The following ADCY3 variants were observed in gnomAD, a reference collection of about 807,000 sequenced individuals.
ADCY3 encodes adenylate cyclase 3.
A neutral mutation model predicts 119.4 loss-of-function variants in ADCY3; 70 were observed. The ratio of observed to expected loss-of-function variants is 0.59; its 90% confidence interval spans 0.48 to 0.72. The LOEUF is 0.72. Ranked by LOEUF, ADCY3 falls within the 30% of genes least tolerant of loss-of-function variation. The probability of loss-of-function intolerance (pLI) is 0.00; values close to 1 mark genes in which losing one functional copy is unlikely to be tolerated. For missense variants in ADCY3, 1,238 were observed against 1,541.6 expected (o/e 0.80, Z 3.30); for synonymous variants, 672 against 621.4 (o/e 1.08, Z -1.21).
At chr2:24,891,226 C>T (rs1301356206) in intron 2 of ADCY3, among the ~76,000 whole-genome samples, 1 of 152,122 alleles carries the variant, frequency 6.6e-6, no homozygotes, top group Admixed American at 6.5e-5. Context: ...TCACTTTTTG[C>T]ATTTTCAGCT....
intron 13 of ADCY3, among the ~76,000 whole-genome samples, chr2:24,828,715 C>T (rs1224103523): frequency 6.6e-6 from 1 of 152,238 alleles, no homozygotes; most frequent in Non-Finnish European, 1.5e-5. Flanking sequence ...CTTTTTGTAA[C>T]TTTCACCCAC....
chr2:24,894,580 T>C lies in ADCY3; in HGVS notation c.676-21861A>G, dbSNP rs1678047489. The stretch of plus-strand genomic sequence containing the variant: ...CTATTTTTGTCATACATTTTGCTTC[T>C]ATGTATGTTCTAAACTCCAAAGTAC... On this transcript the variant is annotated intron_variant, in intron 2 of 21. Coordinates refer to ENST00000679454, the MANE Select transcript of ADCY3 (RefSeq NM_004036.5). Among the ~76,000 whole-genome samples, 12 of 152,346 alleles carry C rather than the reference T, an allele frequency of 7.9e-5. No homozygotes were observed. The South Asian group carries it at 2.5e-3, about 32-fold the overall frequency.
At chr2:24,823,879 G>T (rs1252828700) in intron 17 of ADCY3, among the ~76,000 whole-genome samples, 1 of 152,076 alleles carries the variant, frequency 6.6e-6, no homozygotes, top group Non-Finnish European at 1.5e-5. Context: ...TTTTAGTAGA[G>T]ACAGGGTTTC....
intron 7 of ADCY3, 97 bp downstream of exon 7, chr2:24,839,776 G>A: frequency 6.5e-7 from 1 of 1,541,434 alleles, no homozygotes; most frequent in South Asian, 1.1e-5. Flanking sequence ...GGCCTTCTCT[G>A]AGGCCCCCTG....
At position 24,842,958 on chromosome 2, in the gene ADCY3, G is replaced by A. The variant is rs893309846; in HGVS notation, c.826-574C>T. On this transcript the variant is annotated intron_variant, in intron 3 of 21. Transcript: ENST00000679454. The surrounding 1 kb of genome is among the most constrained non-coding windows in gnomAD (Gnocchi z 4.9). Reference sequence around the variant, plus strand: ...AAGTTCTGTGCCCAGAAAGGAGAGAGCAGAGGACGGCGCAAGAGAGAAGCA... The same window carrying A: ...AAGTTCTGTGCCCAGAAAGGAGAGAACAGAGGACGGCGCAAGAGAGAAGCA... Among the ~76,000 whole-genome samples the A allele has an allele frequency of 1.3e-5, 2 of 152,252 alleles. No individual in the cohort carries two copies. The highest frequency in any genetic ancestry group is 4.8e-5 in the African/African-American group (2 of 41,472).
In ADCY3 at chr2:24,827,955, A is replaced by G. The variant is rs1391787434; in HGVS notation, c.2379T>C (p.Tyr793=). ...VAGAVATINL[Y]AWRPVFDEYD... ...ATTCATCAAAGACGGGACGCCAGGCATAGAGGTTGATGGTGGCCACGGCGC... is the reference window on the plus strand; with the variant it reads ...ATTCATCAAAGACGGGACGCCAGGCGTAGAGGTTGATGGTGGCCACGGCGC... The change falls in exon 14 of 22, where the codon TAT becomes TAC. Residue 793 remains tyrosine (Y), a synonymous_variant. Coordinates refer to ENST00000679454, the MANE Select transcript of ADCY3 (RefSeq NM_004036.5). 6.2e-6 allele frequency: 10 copies of G among 1,614,110 alleles called. No individual in the cohort carries two copies. In the Admixed American group the frequency reaches 1.5e-4, roughly 24 times the overall value.
At chr2:24,836,493 C>T (rs937310409) in intron 9 of ADCY3, among the ~76,000 whole-genome samples, 3 of 152,230 alleles carry the variant, frequency 2.0e-5, no homozygotes, top group African/African-American at 7.2e-5. Flanking sequence ...GCTAATTCCT[C>T]GCCTTTGGGG....
intron 16 of ADCY3, 141 bp from the exon 17 acceptor site, chr2:24,824,677 T>C (rs771507704): frequency 1.2e-6 from 1 of 843,256 alleles, no homozygotes; most frequent in Non-Finnish European, 1.8e-6. Flanking sequence ...TCACCTGAGG[T>C]CAGGAGTTCG....
rs1670809887 is a variant in ADCY3 at position 24,840,019 on chromosome 2, C to T, written c.1209G>A (p.Glu403=). The T allele has an allele frequency of 1.2e-6, 2 of 1,610,996 alleles. No individual in the cohort carries two copies. Among genetic ancestry groups the T allele is most frequent in the Non-Finnish European group, 1.7e-6 (2 of 1,177,734 alleles). ...GCATGTCCACCCCAGTCTTGGTCTT[C>T]TCCCGCACATACCTGCCAGGTACAC... is the stretch of plus-strand genomic sequence containing the variant. The part of the protein sequence containing the change: ...AMVEAISYVR[E]KTKTGVDMRV... Residue 403 remains glutamate (E), a synonymous_variant, in exon 7 of 22, where the codon GAG becomes GAA. Coordinates refer to ENST00000679454, the MANE Select transcript of ADCY3 (RefSeq NM_004036.5).
intron 8 of ADCY3, among the ~76,000 whole-genome samples, chr2:24,837,381 G>C (rs1382783300): frequency 6.6e-6 from 1 of 152,190 alleles, no homozygotes; most frequent in Non-Finnish European, 1.5e-5. Context: ...TGTATGTTGA[G>C]TGCAGGGAAG....
chr2:24,881,535 T>C (rs980853175), intron 2 of ADCY3, among the ~76,000 whole-genome samples: 2 of 152,198 alleles, frequency 1.3e-5, no homozygotes, highest in East Asian at 3.9e-4. Context: ...CTTCCCTCAG[T>C]GCAGCTCCTG....
At chr2:24,866,564 C>CAAA (rs71397449) in intron 3 of ADCY3, among the ~76,000 whole-genome samples, 499 of 46,126 alleles carry the variant, frequency 0.011, 13 homozygotes, top group Middle Eastern at 0.016. Flanking sequence ...GACCCTGTCT[C>CAAA]AAAAAAAAAA....
chr2:24,844,860 G>A lies in ADCY3; in HGVS notation c.826-2476C>T, dbSNP rs1451229590. Among the ~76,000 whole-genome samples the A allele has an allele frequency of 2.6e-5, 4 of 152,320 alleles. No individual in the cohort carries two copies. In the East Asian group the frequency reaches 7.7e-4, roughly 29 times the overall value. ...TCCCCACCCAAATCTCATTTGAATT[G>A]TATCTCCCAGAATTCCCACATGTTG... On this transcript the variant is annotated intron_variant, in intron 3 of 21. Transcript: ENST00000679454.
intron 15 of ADCY3, chr2:24,826,602 G>A (rs1668655364): frequency 6.5e-6 from 1 of 154,182 alleles, no homozygotes; most frequent in African/African-American, 2.4e-5. Context: ...TACCAGTTAT[G>A]TATCCATTTC....
intron 2 of ADCY3, among the ~76,000 whole-genome samples, chr2:24,873,613 G>A (rs909039320): frequency 3.9e-5 from 6 of 152,160 alleles, no homozygotes; most frequent in South Asian, 2.1e-4. Context: ...CCTGCCTGGC[G>A]GCCAGGCCTG....
intron 2 of ADCY3, among the ~76,000 whole-genome samples, chr2:24,908,319 G>A (rs926868904): frequency 4.0e-5 from 6 of 151,304 alleles, no homozygotes; most frequent in South Asian, 2.1e-4. Context: ...GCGAAACTCC[G>A]TCTCAAAAAA....
chr2:24,893,474 C>T (rs904742275), intron 2 of ADCY3, among the ~76,000 whole-genome samples: 1 of 151,954 alleles, frequency 6.6e-6, no homozygotes, highest in Admixed American at 6.6e-5. Flanking sequence ...ACCTGGGCAT[C>T]ACAAAGCACT....
rs1347720879 is a variant in ADCY3 at position 24,819,911 on chromosome 2, C to G, written c.*21G>C. On this transcript the variant is annotated 3_prime_UTR_variant, in exon 22 of 22. Coordinates refer to ENST00000679454, the MANE Select transcript of ADCY3 (RefSeq NM_004036.5). The stretch of plus-strand genomic sequence containing the variant: ...AATAAATTCTCCCTTCCGGTTTGGA[C>G]TGTTGCAGGCTCGAGGCCATTCAGG... 1.2e-6 allele frequency: 2 copies of G among 1,609,596 alleles called. No homozygotes were observed. Among genetic ancestry groups the G allele is most frequent in the Non-Finnish European group, 1.7e-6 (2 of 1,178,514 alleles).
chr2:24,898,665 A>G lies in ADCY3; in HGVS notation c.675+19648T>C, dbSNP rs1346359089. 1.3e-5 allele frequency among the ~76,000 whole-genome samples: 2 copies of G among 152,074 alleles called. No homozygotes were observed. Among genetic ancestry groups the G allele is most frequent in the Non-Finnish European group, 2.9e-5 (2 of 68,004 alleles). On this transcript the variant is annotated intron_variant, in intron 2 of 21. Coordinates refer to ENST00000679454, the MANE Select transcript of ADCY3 (RefSeq NM_004036.5). The surrounding 1 kb of genome is among the most constrained non-coding windows in gnomAD (Gnocchi z 4.3). ...TGACTTCCTTTCCACAAAGCAAAGG[A>G]GCAGAAGCCACAGGTCCCAGGAAAC...
Sources: allele counts gnomAD v4.1 joint callset (sites outside exome capture counted in the v4.1 genomes callset), GRCh38; gene constraint gnomAD v4.1.1; non-coding constraint Gnocchi (gnomAD v3.1); transcripts MANE v1.5; gene names NCBI Gene and HGNC (gene_info 2026-07-23, HGNC 2026-07-21).